Variants in CENPC observed in about 807,000 individuals in gnomAD.
CENPC encodes the protein centromere protein C, also known as CENP-C 1.
A neutral mutation model predicts 112.1 loss-of-function variants in CENPC; 63 were observed. The observed-to-expected ratio is 0.56, with a 90% CI of 0.46 to 0.69. The LOEUF (loss-of-function observed/expected upper bound fraction) is 0.69. Ranked by LOEUF, CENPC falls within the 30% of genes least tolerant of loss-of-function variation. CENPC has a pLI of 0.00. For synonymous variants in CENPC, 333 were observed against 367.6 expected (o/e 0.91, Z 1.08); for missense variants, 1,000 against 1,103.8 (o/e 0.91, Z 1.33).
Position 67,487,244 on chromosome 4 carries a change from T to C in CENPC, c.2670+2723A>G, listed in dbSNP as rs755136190. Among the ~76,000 whole-genome samples the C allele has an allele frequency of 1.5e-4, 23 of 149,378 alleles. 1 individual carries two copies. Among genetic ancestry groups the C allele is most frequent in the Non-Finnish European group, 1.0e-4 (7 of 67,982 alleles). On this transcript the variant is annotated intron_variant, in intron 17 of 18. Transcript: ENST00000273853. ...TTTGATTACCTAATAGCACAGTTTA[T>C]ATAGAAAAGGCAGAATCAGTTGTTA...
At chr4:67,521,407 G>C (rs1316285026) in intron 5 of CENPC, among the ~76,000 whole-genome samples, 4 of 152,042 alleles carry the variant, frequency 2.6e-5, no homozygotes, top group Admixed American at 2.0e-4. Flanking sequence ...GCCATTATCA[G>C]TAAGTAGTGA....
At position 67,518,324 on chromosome 4, in the gene CENPC, T is replaced by C. The variant is rs1269271170; in HGVS notation, c.662A>G (p.Asp221Gly). ...DKVMLKKIEI[D>G]NKVSDEEDKT... Reference sequence around the variant, plus strand: ...ATCCTCTTCATCTGATACTTTATTATCTATTTCTATTTTCTTTAACATAAC... The same window carrying C: ...ATCCTCTTCATCTGATACTTTATTACCTATTTCTATTTTCTTTAACATAAC... Residue 221 changes from aspartate to glycine, a missense_variant, in exon 7 of 19, where the codon GAT becomes GGT. Coordinates refer to ENST00000273853, the MANE Select transcript of CENPC (RefSeq NM_001812.4). 14 of 1,537,304 alleles carry C rather than the reference T, an allele frequency of 9.1e-6. No individual in the cohort carries two copies. Among genetic ancestry groups the C allele is most frequent in the Non-Finnish European group, 1.2e-5 (14 of 1,144,380 alleles).
intron 16 of CENPC, among the ~76,000 whole-genome samples, chr4:67,490,869 T>C (rs2319414): frequency 1.0e-4 from 3 of 29,700 alleles, no homozygotes; most frequent in Non-Finnish European, 2.2e-4. Flanking sequence ...TATATATATA[T>C]ATATATATAG....
In CENPC at chr4:67,492,927, A is replaced by C. The variant is rs748570208; in HGVS notation, c.2361T>G (p.Ile787Met). Residue 787 changes from isoleucine to methionine, a missense_variant, in exon 15 of 19, where the codon ATT becomes ATG. Transcript: ENST00000273853. ...ISSKRKAKEN[I>M]GKVNKKSNKK... ...TATTAGATTTTTTGTTGACTTTTCC[A>C]ATATTTTCTTTTGCCTTCCTTTTAG... The C allele has an allele frequency of 1.3e-6, 2 of 1,564,818 alleles. No homozygotes were observed. Among genetic ancestry groups the C allele is most frequent in the East Asian group, 4.6e-5 (2 of 43,264 alleles).
intron 1 of CENPC, 77 bp downstream of exon 1, chr4:67,545,261 C>G: frequency 7.3e-7 from 1 of 1,377,642 alleles, no homozygotes; most frequent in Non-Finnish European, 9.6e-7. Context: ...CCTAGCATTT[C>G]CTTCTCCCCA....
chr4:67,482,187 T>C (rs1248456735), intron 17 of CENPC, among the ~76,000 whole-genome samples: 1 of 151,924 alleles, frequency 6.6e-6, no homozygotes, highest in Non-Finnish European at 1.5e-5. Flanking sequence ...TAACTAATGA[T>C]AAGGAAAATG....
chr4:67,541,850 C>G (rs947923043), intron 2 of CENPC, among the ~76,000 whole-genome samples: 11 of 152,150 alleles, frequency 7.2e-5, no homozygotes, highest in Admixed American at 6.6e-4. Flanking sequence ...TCCTTCCTGC[C>G]TCCTCTCATT....
At chr4:67,529,171 G>C (rs147144500) in intron 5 of CENPC, among the ~76,000 whole-genome samples, 1 of 151,852 alleles carries the variant, frequency 6.6e-6, no homozygotes, top group Admixed American at 6.6e-5. Context: ...CTTTTATTTG[G>C]GTTGTTTGGT....
chr4:67,476,802 C>T (rs1177220169), intron 17 of CENPC, among the ~76,000 whole-genome samples: 1 of 152,190 alleles, frequency 6.6e-6, no homozygotes, highest in Non-Finnish European at 1.5e-5. Flanking sequence ...TGCTCACTGG[C>T]TGTCTGGATA....
chr4:67,527,901 A>G (rs62301108), intron 5 of CENPC, among the ~76,000 whole-genome samples: 35,891 of 151,922 alleles, frequency 0.24, 4,571 homozygotes, highest in Non-Finnish European at 0.29. Context: ...ACCCACAATT[A>G]TTATTTTAAG....
rs1183004810 is a variant in CENPC at position 67,545,377 on chromosome 4, C to T, written c.-22G>A. 2 of 1,521,026 alleles carry T rather than the reference C, an allele frequency of 1.3e-6. No individual in the cohort carries two copies. Among genetic ancestry groups the T allele is most frequent in the Non-Finnish European group, 1.8e-6 (2 of 1,130,788 alleles). 94.2% of individuals were successfully genotyped at this position (1,521,026 alleles called of 1,614,324 possible). On this transcript the variant is annotated 5_prime_UTR_variant, in exon 1 of 19. Transcript: ENST00000273853. ...CCATGTTCCGGCCCCGCTGAGCCAG[C>T]GCAACTGTCTGAGGTGGAAGCCCAC...
chr4:67,533,145 G>A (rs553292857), intron 4 of CENPC, among the ~76,000 whole-genome samples: 89 of 152,302 alleles, frequency 5.8e-4, no homozygotes, highest in African/African-American at 2.0e-3. Context: ...TCCCTGTGTT[G>A]TGGAAGGCGC....
intron 17 of CENPC, among the ~76,000 whole-genome samples, chr4:67,489,541 T>C (rs542937864): frequency 1.3e-5 from 2 of 152,212 alleles, no homozygotes; most frequent in East Asian, 1.9e-4. Flanking sequence ...CACATTTTAA[T>C]ACCTGTATGC....
chr4:67,496,831 G>T (rs1287890581), intron 12 of CENPC, among the ~76,000 whole-genome samples: 1 of 152,022 alleles, frequency 6.6e-6, no homozygotes, highest in Non-Finnish European at 1.5e-5. Flanking sequence ...ACTCTAAGTG[G>T]ATTAATTATA....
chr4:67,524,703 T>C (rs931855480), intron 5 of CENPC, among the ~76,000 whole-genome samples: 3 of 152,012 alleles, frequency 2.0e-5, no homozygotes, highest in African/African-American at 7.2e-5. Flanking sequence ...GAGAAAAAAA[T>C]TCCATGCTCA....
intron 5 of CENPC, among the ~76,000 whole-genome samples, chr4:67,521,729 G>GTGCC (rs1726234937): frequency 1.3e-5 from 2 of 152,120 alleles, no homozygotes; most frequent in African/African-American, 4.8e-5. Context: ...AACAACCCAA[G>GTGCC]TGCCCATCAA....
rs1156515387 is a variant in CENPC at position 67,514,252 on chromosome 4, TCTC to T, written c.1263_1265del (p.Arg423del). On this transcript the variant is annotated inframe_deletion, in exon 8 of 19. Transcript: ENST00000273853. Reference sequence around the variant, plus strand: ...CAGCTGGTTTAGCCATGAATTTTCTTCTCTGTTTTTGTTTTATAGTCCTTTTGC... The same window carrying T: ...CAGCTGGTTTAGCCATGAATTTTCTTTGTTTTTGTTTTATAGTCCTTTTGC... 1 of 1,612,496 alleles carries T rather than the reference TCTC, an allele frequency of 6.2e-7. No homozygotes were observed.
chr4:67,521,404 T>G (rs1726225992), intron 5 of CENPC, among the ~76,000 whole-genome samples: 1 of 152,140 alleles, frequency 6.6e-6, no homozygotes, highest in South Asian at 2.1e-4. Flanking sequence ...TTAGCCATTA[T>G]CAGTAAGTAG....
chr4:67,536,108 A>C (rs994876878), intron 4 of CENPC, among the ~76,000 whole-genome samples: 1 of 152,188 alleles, frequency 6.6e-6, no homozygotes, highest in Non-Finnish European at 1.5e-5. Flanking sequence ...GAAAATGTTA[A>C]TGACAGAAAA....
Sources: allele counts gnomAD v4.1 joint callset (sites outside exome capture counted in the v4.1 genomes callset), GRCh38; gene constraint gnomAD v4.1.1; transcripts MANE v1.5; gene names NCBI Gene and HGNC (gene_info 2026-07-23, HGNC 2026-07-21).